The following FUT8 variants were observed in gnomAD, a reference collection of about 807,000 sequenced individuals.
FUT8 encodes the protein alpha-(1,6)-fucosyltransferase.
In FUT8, 29 loss-of-function variants were observed where a neutral mutation model predicts 71.3. The ratio of observed to expected loss-of-function variants is 0.41; its 90% confidence interval spans 0.30 to 0.55. FUT8 has a LOEUF of 0.55. Among genes scored for constraint, FUT8 ranks in the 20% least tolerant of loss-of-function variants. The probability of loss-of-function intolerance (pLI) is 0.34; values close to 1 mark genes in which losing one functional copy is unlikely to be tolerated. For missense variants in FUT8, 544 were observed against 702.1 expected (o/e 0.77, Z 2.55); for synonymous variants, 254 against 239.3 (o/e 1.06, Z -0.57).
chr14:65,374,746 C>T, the FUT8 span, among the ~76,000 whole-genome samples: 1 of 149,790 alleles, frequency 6.7e-6, no homozygotes, highest in Non-Finnish European at 1.5e-5. Flanking sequence ...AAGTGTGTGC[C>T]ACCACGCCTG....
rs569154318 is a variant in FUT8 at position 65,727,116 on chromosome 14, C to T, written c.1259+2793C>T. Among the ~76,000 whole-genome samples, 89 of 152,286 alleles carry T rather than the reference C, an allele frequency of 5.8e-4. 1 individual carries two copies. The highest frequency in any genetic ancestry group is 1.9e-4 in the Non-Finnish European group (13 of 68,014). On this transcript the variant is annotated intron_variant, in intron 9 of 10. Transcript: ENST00000673929. ...ATAGCCCCCCTCCTGGCTGCTTTCA[C>T]GGGCTGTCATTAAGTGTCTGCGGCT...
At chr14:65,589,992 A>G (rs1217946288) in intron 3 of FUT8, among the ~76,000 whole-genome samples, 1 of 152,232 alleles carries the variant, frequency 6.6e-6, no homozygotes, top group Admixed American at 6.5e-5. Context: ...TAGAGGTAAC[A>G]TCTTCTATTA....
intron 7 of FUT8, among the ~76,000 whole-genome samples, chr14:65,708,295 C>T (rs1161140662): frequency 4.6e-5 from 7 of 152,302 alleles, no homozygotes; most frequent in Admixed American, 2.6e-4. Flanking sequence ...ACTTTCCCTT[C>T]GCCTTCTTCC....
At chr14:65,689,178 C>T (rs1259363830) in intron 7 of FUT8, among the ~76,000 whole-genome samples, 1 of 152,214 alleles carries the variant, frequency 6.6e-6, no homozygotes, top group Non-Finnish European at 1.5e-5. Flanking sequence ...TTGGTGTTGT[C>T]ACTATTTCAG....
chr14:65,410,303 G>T (rs147207901), upstream of FUT8, among the ~76,000 whole-genome samples: 56 of 152,290 alleles, frequency 3.7e-4, no homozygotes, highest in African/African-American at 1.1e-3. Context: ...AACTTAATGT[G>T]TAAAGACTTG....
intron 2 of FUT8, among the ~76,000 whole-genome samples, chr14:65,507,930 A>G (rs985610849): frequency 6.6e-6 from 1 of 152,092 alleles, no homozygotes; most frequent in African/African-American, 2.4e-5. Context: ...ACAGTGTATG[A>G]GGGTTCTCTT....
At chr14:65,524,342 A>G (rs1883294955) in intron 2 of FUT8, among the ~76,000 whole-genome samples, 1 of 152,154 alleles carries the variant, frequency 6.6e-6, no homozygotes, top group Admixed American at 6.5e-5. Context: ...GCAATTGTGA[A>G]TGGGAGTTCA....
chr14:65,402,355 C>A, the FUT8 span, among the ~76,000 whole-genome samples: 1 of 151,370 alleles, frequency 6.6e-6, no homozygotes, highest in African/African-American at 2.4e-5. Context: ...CATGCACCAT[C>A]ATGCCCAGCT....
At chr14:65,437,161 A>G (rs1197395946) in intron 1 of FUT8, among the ~76,000 whole-genome samples, 3 of 152,234 alleles carry the variant, frequency 2.0e-5, no homozygotes, top group Admixed American at 2.0e-4. Flanking sequence ...TCTGATGTAG[A>G]GCAGACCTCT....
chr14:65,723,071 G>C (rs1895500544), intron 8 of FUT8, among the ~76,000 whole-genome samples: 1 of 151,760 alleles, frequency 6.6e-6, no homozygotes, highest in South Asian at 2.1e-4. Flanking sequence ...CACAACACTG[G>C]GAGGCTGAGG....
chr14:65,706,362 G>C (rs1054502585), intron 7 of FUT8, among the ~76,000 whole-genome samples: 1 of 152,134 alleles, frequency 6.6e-6, no homozygotes. Context: ...TGCTTGATGT[G>C]CCTCTCTGCT....
chr14:65,612,565 T>C (rs2140209656), intron 3 of FUT8, among the ~76,000 whole-genome samples: 1 of 152,364 alleles, frequency 6.6e-6, no homozygotes, highest in Non-Finnish European at 1.5e-5. Context: ...ATTTCTGGAA[T>C]TCTCTGTCCT....
intron 7 of FUT8, among the ~76,000 whole-genome samples, chr14:65,692,469 CT>C (rs2140444658): frequency 2.8e-5 from 3 of 106,382 alleles, no homozygotes; most frequent in African/African-American, 9.9e-5. Flanking sequence ...ACCCCCCCAC[CT>C]CCCTCCCAGA....
intron 3 of FUT8, among the ~76,000 whole-genome samples, chr14:65,598,547 A>G (rs953925375): frequency 6.6e-6 from 1 of 152,110 alleles, no homozygotes; most frequent in African/African-American, 2.4e-5. Flanking sequence ...GTTAAATAAT[A>G]GTGATGTGGT....
intron 7 of FUT8, among the ~76,000 whole-genome samples, chr14:65,687,274 TCA>T (rs1466354725): frequency 6.6e-6 from 1 of 152,240 alleles, no homozygotes; most frequent in Non-Finnish European, 1.5e-5. Flanking sequence ...AGAGTTTTTC[TCA>T]GTTATTCTTT....
intron 6 of FUT8, among the ~76,000 whole-genome samples, chr14:65,634,124 G>C (rs1890403979): frequency 6.6e-6 from 1 of 152,132 alleles, no homozygotes; most frequent in Non-Finnish European, 1.5e-5. Flanking sequence ...AATAGAAAGG[G>C]GGGAAAGGTG....
rs770947785 is a variant in FUT8, at chr14:65,617,154, C to G, written c.482+781C>G. 5.0e-5 allele frequency: 80 copies of G among 1,585,708 alleles called. 2 individuals are homozygous for G. In the Admixed American group the frequency reaches 1.1e-3, roughly 21 times the overall value. Reference sequence around the variant, plus strand: ...AAGAAAAATTGTTGTATTAGCACAACCTACTACTGTGAAGAGGAAAAGAAT... The same window carrying G: ...AAGAAAAATTGTTGTATTAGCACAAGCTACTACTGTGAAGAGGAAAAGAAT... On this transcript the variant is annotated intron_variant, in intron 5 of 10. Coordinates refer to ENST00000673929, the MANE Select transcript of FUT8 (RefSeq NM_001371533.1).
chr14:65,438,973 A>G (rs908415131), intron 1 of FUT8, among the ~76,000 whole-genome samples: 4 of 152,224 alleles, frequency 2.6e-5, no homozygotes, highest in African/African-American at 9.6e-5. Flanking sequence ...TCCTAATGAA[A>G]AATATAATTT....
At chr14:65,494,293 C>A (rs1002310867) in intron 2 of FUT8, among the ~76,000 whole-genome samples, 3 of 152,064 alleles carry the variant, frequency 2.0e-5, no homozygotes, top group African/African-American at 7.2e-5. Context: ...CATATTAAGT[C>A]TTTGAAATCC....
Sources: gnomAD v4.1 joint callset for allele counts (sites outside exome capture counted in the v4.1 genomes callset) on GRCh38, gnomAD v4.1.1 for gene constraint, MANE v1.5 for transcripts, NCBI Gene and HGNC (gene_info 2026-07-23, HGNC 2026-07-21) for gene names.